Variants in STAT6 observed in about 807,000 individuals in gnomAD.
STAT6 encodes signal transducer and activator of transcription 6, also known as STAT, interleukin4-induced.
In STAT6, 45 loss-of-function variants were observed where a neutral mutation model predicts 106.3. That is an observed-to-expected ratio of 0.42 (90% confidence interval 0.33 to 0.54). The LOEUF (loss-of-function observed/expected upper bound fraction) is 0.54, where lower values mean the gene tolerates loss of function less well. Among genes scored for constraint, STAT6 ranks in the 20% least tolerant of loss-of-function variants. The probability of loss-of-function intolerance (pLI) is 0.06; values close to 1 mark genes in which losing one functional copy is unlikely to be tolerated. For missense variants in STAT6, 797 were observed against 1,062.2 expected, an observed-to-expected ratio of 0.75 and a Z score of 3.47; for synonymous variants, 413 against 413.6, an observed-to-expected ratio of 1.00 and a Z score of 0.02.
Position 57,099,495 on chromosome 12 carries a change from C to G in STAT6, c.1745-55G>C. On this transcript the variant is annotated intron_variant, in intron 15 of 21. Coordinates refer to ENST00000300134, the MANE Select transcript of STAT6 (RefSeq NM_003153.5). The surrounding 1 kb of genome is among the most constrained non-coding windows in gnomAD (Gnocchi z 4.7). Reference sequence around the variant, plus strand: ...TCTGTCCGGACTTTCTTCCCCTTCCCCAACCCCTACCATAAGACCTGTTCT... The same window carrying G: ...TCTGTCCGGACTTTCTTCCCCTTCCGCAACCCCTACCATAAGACCTGTTCT... The G allele has an allele frequency of 3.1e-6, 5 of 1,608,954 alleles. No individual in the cohort carries two copies. In the South Asian group the frequency reaches 3.3e-5, roughly 11 times the overall value.
intron 13 of STAT6, 144 bp downstream of exon 13, chr12:57,102,146 G>T: frequency 1.1e-6 from 1 of 877,580 alleles, no homozygotes. Context: ...TTTCCTCCCT[G>T]GTCCATGACA....
chr12:57,100,165 G>A (rs1310242268), intron 13 of STAT6, 75 bp from the exon 14 acceptor site: 3 of 1,276,326 alleles, frequency 2.4e-6, no homozygotes, highest in South Asian at 1.3e-5. Context: ...GCAGTGAGCT[G>A]TGAGTGCCCT....
In STAT6 at chr12:57,095,865, C is replaced by T. The variant is rs4559; in HGVS notation, c.*707G>A. ...TCATGCAACTAAGGTGCCAGCTATACATTTAACATATCCTAGGTACATACA... is the reference window on the plus strand; with the variant it reads ...TCATGCAACTAAGGTGCCAGCTATATATTTAACATATCCTAGGTACATACA... On this transcript the variant is annotated 3_prime_UTR_variant, in exon 22 of 22. Transcript: ENST00000300134. 0.59 allele frequency: 89,699 copies of T among 152,178 alleles called. 26,921 individuals carry two copies. Among genetic ancestry groups the T allele is most frequent in the Non-Finnish European group, 0.65 (44,192 of 68,006 alleles). 9.4% of individuals were successfully genotyped at this position (152,178 alleles called of 1,614,324 possible).
chr12:57,100,734 GAAAGAAAGAAAGAA>G (rs2033866011), intron 13 of STAT6: 1 of 146,784 alleles, frequency 6.8e-6, no homozygotes, highest in Admixed American at 8.2e-5. Flanking sequence ...AAGAAAGAAA[GAAAGAAAGAAAGAA>G]AAGAAAAAAA....
Position 57,096,348 on chromosome 12 carries a change from C to T in STAT6, c.*224G>A, listed in dbSNP as rs2033423806. 1.9e-6 allele frequency: 1 copy of T among 529,258 alleles called. No individual in the cohort carries two copies. The highest frequency in any genetic ancestry group is 1.9e-5 in the African/African-American group (1 of 51,362). The allele number at this position is 529,258 out of a possible 1,614,324, so 32.8% of individuals were successfully genotyped here. A position where few individuals can be genotyped will look rare whatever the true frequency, so the allele number is the denominator to read the frequency against. ...TCAGAGCCTGAACTTCCCTTCCAGTCAGTGCTGGAAGGAGGTGGGCAGGGG... is the reference window on the plus strand; with the variant it reads ...TCAGAGCCTGAACTTCCCTTCCAGTTAGTGCTGGAAGGAGGTGGGCAGGGG... On this transcript the variant is annotated 3_prime_UTR_variant, in exon 22 of 22. Coordinates refer to ENST00000300134, the MANE Select transcript of STAT6 (RefSeq NM_003153.5).
chr12:57,097,889 CAAAA>C (rs58220068), intron 19 of STAT6, among the ~76,000 whole-genome samples: 2 of 145,302 alleles, frequency 1.4e-5, no homozygotes, highest in Non-Finnish European at 3.0e-5. Context: ...GACCCTGTCT[CAAAA>C]AAAAAAAATT....
Position 57,095,634 on chromosome 12 carries a change from G to C in STAT6, c.*938C>G, listed in dbSNP as rs988900051. The C allele has an allele frequency of 2.0e-5, 3 of 152,230 alleles. No individual in the cohort carries two copies. The highest frequency in any genetic ancestry group is 7.2e-5 in the African/African-American group (3 of 41,420). The allele number at this position is 152,230 out of a possible 1,614,324, so 9.4% of individuals were successfully genotyped here. A position where few individuals can be genotyped will look rare whatever the true frequency, so the allele number is the denominator to read the frequency against. Reference sequence around the variant, plus strand: ...CCCAGACTCTCACCCTGGCTCCCAGGCAGCATTGGAGGTGTGGAGCCATAC... The same window carrying C: ...CCCAGACTCTCACCCTGGCTCCCAGCCAGCATTGGAGGTGTGGAGCCATAC... On this transcript the variant is annotated 3_prime_UTR_variant, in exon 22 of 22. Transcript: ENST00000300134.
At chr12:57,100,182 A>G (rs1467742119) in intron 13 of STAT6, 92 bp from the exon 14 acceptor site, 9 of 1,077,170 alleles carry the variant, frequency 8.4e-6, no homozygotes, top group Non-Finnish European at 1.3e-5. Flanking sequence ...CCCTCACGAC[A>G]GAATCACAGG....
At chr12:57,102,102 C>T (rs1002124786) in intron 13 of STAT6, among the ~76,000 whole-genome samples, 188 bp downstream of exon 13, 3 of 152,140 alleles carry the variant, frequency 2.0e-5, no homozygotes, top group Non-Finnish European at 4.4e-5. Flanking sequence ...TGTCAGAGAA[C>T]GCATCTCCAG....
In STAT6 at chr12:57,106,710, C is replaced by T. The variant is rs915270574; in HGVS notation, c.461G>A (p.Gly154Glu). ...GCCCCCACCTTGGCCAGCCTCAGCCCCCTTCTGCAGGGCTTCTCGGAGAAG... is the reference window on the plus strand; with the variant it reads ...GCCCCCACCTTGGCCAGCCTCAGCCTCCTTCTGCAGGGCTTCTCGGAGAAG... ...IHLLREALQK[G>E]AEAGQVSLHS... Residue 154 changes from glycine (G) to glutamate (E), a missense_variant, in exon 5 of 22, where the codon GGG (glycine) becomes GAG (glutamate). Transcript: ENST00000300134. 6.2e-7 allele frequency: 1 copy of T among 1,614,180 alleles called. No homozygotes were observed. Among genetic ancestry groups the T allele is most frequent in the South Asian group, 1.1e-5 (1 of 91,078 alleles).
chr12:57,107,472 C>A, intron 3 of STAT6, 133 bp downstream of exon 3: 1 of 1,346,004 alleles, frequency 7.4e-7, no homozygotes, highest in South Asian at 1.3e-5. Context: ...ATCTAATTTG[C>A]CTGCTAGCTA....
chr12:57,103,308 C>T (rs372202374), intron 11 of STAT6: 3 of 160,674 alleles, frequency 1.9e-5, no homozygotes, highest in East Asian at 1.9e-4. Context: ...GGGACTCAGG[C>T]GCCCGCCACC....
chr12:57,102,527 C>T (rs763351144), intron 12 of STAT6, 31 bp from the exon 13 acceptor site: 1 of 1,607,902 alleles, frequency 6.2e-7, no homozygotes, highest in Admixed American at 1.7e-5. Flanking sequence ...GAGAGCACTG[C>T]AGGCTACCGT....
chr12:57,106,098 C>T (rs1052413663), intron 7 of STAT6, 93 bp downstream of exon 7: 259 of 1,571,758 alleles, frequency 1.6e-4, no homozygotes, highest in Middle Eastern at 7.0e-4. Flanking sequence ...AAGGCCCTCC[C>T]GCCTGGCTTC....
At chr12:57,102,553 G>A (rs2033999161) in intron 12 of STAT6, 57 bp from the exon 13 acceptor site, 1 of 1,570,074 alleles carries the variant, frequency 6.4e-7, no homozygotes, top group Non-Finnish European at 8.7e-7. Flanking sequence ...TATTCCTCGG[G>A]CCGGCCTTCA....
intron 13 of STAT6, among the ~76,000 whole-genome samples, chr12:57,101,067 C>T (rs1442492033): frequency 6.6e-6 from 1 of 152,068 alleles, no homozygotes; most frequent in African/African-American, 2.4e-5. Context: ...GTTTTTGCAA[C>T]AGGAATTCTT....
At chr12:57,105,913 A>G (rs2034244105) in intron 7 of STAT6, 2 of 642,786 alleles carry the variant, frequency 3.1e-6, no homozygotes, top group Middle Eastern at 8.8e-4. Context: ...CCCACCCAAT[A>G]AACCAAATGG....
rs1435423960 is a variant in STAT6, at chr12:57,102,276, G to A, written c.1512+14C>T. 3 of 1,613,824 alleles carry A rather than the reference G, an allele frequency of 1.9e-6. No homozygotes were observed. The highest frequency in any genetic ancestry group is 2.2e-5 in the South Asian group (2 of 91,054). ...GAGCTTGGGGGTGGGAGGTCCAAAG[G>A]GCAGGAGAATGACCTTGTTGAACTG... On this transcript the variant is annotated intron_variant, in intron 13 of 21. Coordinates refer to ENST00000300134, the MANE Select transcript of STAT6 (RefSeq NM_003153.5).
At position 57,098,577 on chromosome 12, in the gene STAT6, T is replaced by G. The variant is rs747595519; in HGVS notation, c.2087A>C (p.His696Pro). ...PDMVPQVYPPHSHSIPPYQGL... is the reference protein window; with the variant it reads ...PDMVPQVYPPPSHSIPPYQGL... Reference sequence around the variant, plus strand: ...TTGATACGGGGGGATGGAGTGAGAGTGTGGTGGGTACACCTGGGGCCTGGG... The same window carrying G: ...TTGATACGGGGGGATGGAGTGAGAGGGTGGTGGGTACACCTGGGGCCTGGG... The change falls in exon 19 of 22, where the codon CAC becomes CCC. Residue 696 changes from histidine (H) to proline (P), a missense_variant. His to Pro is a moderately conservative substitution (Grantham distance 77). Transcript: ENST00000300134. The G allele has an allele frequency of 1.2e-6, 2 of 1,613,740 alleles. No individual in the cohort carries two copies. The highest frequency in any genetic ancestry group is 3.3e-5 in the Admixed American group (2 of 59,986).
Sources: allele counts gnomAD v4.1 joint callset (sites outside exome capture counted in the v4.1 genomes callset), GRCh38; gene constraint gnomAD v4.1.1; non-coding constraint Gnocchi (gnomAD v3.1); transcripts MANE v1.5; gene names NCBI Gene and HGNC (gene_info 2026-07-23, HGNC 2026-07-21).